Variants in SLC16A9 observed in about 807,000 individuals in gnomAD.
SLC16A9 encodes the protein monocarboxylate transporter 9.
SLC16A9 carries 26 observed loss-of-function variants against 44.3 expected under a neutral mutation model. That is an observed-to-expected ratio of 0.59 (90% CI 0.43 to 0.81). The LOEUF (loss-of-function observed/expected upper bound fraction) is 0.81, where lower values mean the gene tolerates loss of function less well. Among genes scored for constraint, SLC16A9 ranks in the 40% least tolerant of loss-of-function variants. The pLI is 0.00. For missense variants in SLC16A9, 559 were observed against 595.8 expected, an observed-to-expected ratio of 0.94 and a Z score of 0.64; for synonymous variants, 230 against 225.1, an observed-to-expected ratio of 1.02 and a Z score of -0.19.
chr10:59,657,376 A>G (rs1382532224), intron 4 of SLC16A9, among the ~76,000 whole-genome samples: 1 of 152,044 alleles, frequency 6.6e-6, no homozygotes, highest in Admixed American at 6.6e-5. Flanking sequence ...CTTTCTTTCA[A>G]CTAGGTCACA....
chr10:59,672,574 T>C (rs1839773973), intron 3 of SLC16A9, among the ~76,000 whole-genome samples, 196 bp downstream of exon 3: 1 of 152,250 alleles, frequency 6.6e-6, no homozygotes, highest in African/African-American at 2.4e-5. Flanking sequence ...TATGGATTGT[T>C]TGTTCTTTCA....
At chr10:59,655,074 G>T (rs1387745250) in intron 4 of SLC16A9, among the ~76,000 whole-genome samples, 1 of 152,160 alleles carries the variant, frequency 6.6e-6, no homozygotes, top group African/African-American at 2.4e-5. Context: ...GGTGGATCAC[G>T]AGGTCAGGAG....
chr10:59,696,531 C>G (rs1454414656), intron 1 of SLC16A9, among the ~76,000 whole-genome samples: 2 of 152,088 alleles, frequency 1.3e-5, no homozygotes, highest in African/African-American at 4.8e-5. Context: ...GCCACCCCGT[C>G]TAGGAAGTGA....
chr10:59,688,917 T>G (rs1230986990), intron 1 of SLC16A9, among the ~76,000 whole-genome samples: 2 of 151,908 alleles, frequency 1.3e-5, no homozygotes, highest in Non-Finnish European at 2.9e-5. Context: ...CTTACCAGTT[T>G]TCAAACCTAA....
rs1213693629 is a variant in SLC16A9 at position 59,653,060 on chromosome 10, C to A, written c.1352-110G>T. ...ATAGTTATAATTAGTATATATATTA[C>A]TCCACTACTTCCAGCGTGGTTTACT... On this transcript the variant is annotated intron_variant, in intron 5 of 5. Transcript: ENST00000395348. 3 of 707,068 alleles carry A rather than the reference C, an allele frequency of 4.2e-6. No homozygotes were observed. The African/African-American group carries it at 5.6e-5, about 13-fold the overall frequency. 43.8% of individuals were successfully genotyped at this position (707,068 alleles called of 1,614,324 possible).
chr10:59,703,793 A>C (rs2132551657), intron 1 of SLC16A9, among the ~76,000 whole-genome samples: 1 of 150,070 alleles, frequency 6.7e-6, no homozygotes, highest in Middle Eastern at 3.4e-3. Context: ...ATCTCGGCTC[A>C]CTGCAAGCTC....
intron 3 of SLC16A9, among the ~76,000 whole-genome samples, chr10:59,664,986 G>A (rs1328606367): frequency 2.0e-5 from 3 of 148,464 alleles, no homozygotes; most frequent in Admixed American, 1.3e-4. Context: ...CTATTGGTGA[G>A]CATATGGTTG....
intron 1 of SLC16A9, among the ~76,000 whole-genome samples, chr10:59,688,298 C>T (rs1216555655): frequency 2.0e-5 from 3 of 152,214 alleles, no homozygotes; most frequent in Non-Finnish European, 4.4e-5. Context: ...TAGCTACACC[C>T]ATCATTTGCC....
chr10:59,695,398 T>C (rs1840349992), intron 1 of SLC16A9, among the ~76,000 whole-genome samples: 4 of 152,256 alleles, frequency 2.6e-5, no homozygotes, highest in Non-Finnish European at 5.9e-5. Context: ...TGTATGCTTA[T>C]AATTGTTGAA....
chr10:59,666,168 G>A (rs984573205), intron 3 of SLC16A9, among the ~76,000 whole-genome samples: 6 of 151,966 alleles, frequency 3.9e-5, no homozygotes, highest in Non-Finnish European at 7.4e-5. Context: ...ACACAATGGT[G>A]TGCACCTGTG....
At chr10:59,681,992 A>C (rs1339070700) in intron 2 of SLC16A9, among the ~76,000 whole-genome samples, 2 of 151,766 alleles carry the variant, frequency 1.3e-5, no homozygotes, top group African/African-American at 2.4e-5. Flanking sequence ...CATCTTTAAA[A>C]GCTTTGCTCA....
rs1321340818 is a variant in SLC16A9, at chr10:59,661,772, G to A, written c.436+2455C>T. On this transcript the variant is annotated intron_variant, in intron 4 of 5. Coordinates refer to ENST00000395348, the MANE Select transcript of SLC16A9 (RefSeq NM_194298.3). ...TATACTACAAGGCTACAGTAGTACT[G>A]GTACCAAAACAGAGATATAGACCAA... Among the ~76,000 whole-genome samples the A allele has an allele frequency of 5.1e-4, 5 of 9,894 alleles. No homozygotes were observed. In the East Asian group the frequency reaches 0.018, roughly 35 times the overall value. 6.5% of individuals were successfully genotyped at this position (9,894 alleles called of 152,430 possible).
intron 4 of SLC16A9, among the ~76,000 whole-genome samples, chr10:59,655,556 G>C (rs1839331444): frequency 6.6e-6 from 1 of 151,934 alleles, no homozygotes; most frequent in African/African-American, 2.4e-5. Flanking sequence ...ATTTTTTTAG[G>C]GTATTTAAAT....
intron 1 of SLC16A9, among the ~76,000 whole-genome samples, chr10:59,708,003 T>G (rs1840682921): frequency 6.6e-6 from 1 of 152,212 alleles, no homozygotes; most frequent in Non-Finnish European, 1.5e-5. Context: ...TACCTGTTAT[T>G]CCACTTGCCT....
intron 3 of SLC16A9, among the ~76,000 whole-genome samples, chr10:59,671,539 C>T (rs1425702922): frequency 6.6e-6 from 1 of 152,280 alleles, no homozygotes; most frequent in Non-Finnish European, 1.5e-5. Flanking sequence ...ATGGTCCTTT[C>T]CCCAGTCCCT....
chr10:59,708,963 C>T (rs890918015), intron 1 of SLC16A9, among the ~76,000 whole-genome samples: 6 of 152,182 alleles, frequency 3.9e-5, no homozygotes, highest in African/African-American at 1.2e-4. Context: ...GCCGGCCCTG[C>T]GCGCTGCGCT....
At chr10:59,690,395 C>T (rs1171650) in intron 1 of SLC16A9, among the ~76,000 whole-genome samples, 45,188 of 151,918 alleles carry the variant, frequency 0.3, 7,424 homozygotes, top group East Asian at 0.62. Flanking sequence ...CAAAAGAGTA[C>T]GTACACGATT....
intron 1 of SLC16A9, among the ~76,000 whole-genome samples, chr10:59,705,516 A>G (rs932975922): frequency 6.6e-6 from 1 of 152,158 alleles, no homozygotes; most frequent in East Asian, 1.9e-4. Context: ...TGTTTAATAA[A>G]CATTAATTAT....
intron 2 of SLC16A9, 84 bp from the exon 3 acceptor site, chr10:59,672,997 AC>A: frequency 1.5e-6 from 2 of 1,345,654 alleles, no homozygotes; most frequent in South Asian, 1.4e-5. Context: ...CCATAAAACA[AC>A]AAAAATAAAA....
Sources: gnomAD v4.1 joint callset for allele counts (sites outside exome capture counted in the v4.1 genomes callset) on GRCh38, gnomAD v4.1.1 for gene constraint, MANE v1.5 for transcripts, NCBI Gene and HGNC (gene_info 2026-07-23, HGNC 2026-07-21) for gene names.